The following BNC2 variants were observed in gnomAD, a reference collection of about 807,000 sequenced individuals.
The protein encoded by BNC2 is zinc finger protein basonuclin-2.
A neutral mutation model predicts 76.3 loss-of-function variants in BNC2; 20 were observed. The observed-to-expected ratio is 0.26, with a 90% confidence interval of 0.18 to 0.38. BNC2 has a LOEUF of 0.38. Among genes scored for constraint, BNC2 ranks in the 10% least tolerant of loss-of-function variants. The pLI, the probability that BNC2 is intolerant of heterozygous loss-of-function variation, is 1.00. For missense variants in BNC2, 1,382 were observed against 1,399.8 expected (o/e 0.99, Z 0.20); for synonymous variants, 582 against 514.8 (o/e 1.13, Z -1.77).
intron 3 of BNC2, among the ~76,000 whole-genome samples, chr9:16,716,601 C>T (rs1402692592): frequency 6.6e-6 from 1 of 152,142 alleles, no homozygotes; most frequent in Non-Finnish European, 1.5e-5. Flanking sequence ...GAAGCAACGG[C>T]CTTCTCATTT....
intron 2 of BNC2, among the ~76,000 whole-genome samples, chr9:16,729,658 G>C (rs1419865884): frequency 6.6e-6 from 1 of 152,180 alleles, no homozygotes; most frequent in African/African-American, 2.4e-5. Flanking sequence ...AATATATTAA[G>C]TCCACCTGTG....
chr9:16,655,721 A>G (rs1821911248), intron 3 of BNC2, among the ~76,000 whole-genome samples: 2 of 152,354 alleles, frequency 1.3e-5, no homozygotes, highest in Admixed American at 1.3e-4. Flanking sequence ...CACTTATTAC[A>G]AAGCAAAGCC....
rs376769998 is a variant in BNC2, at chr9:16,475,241, T to C, written c.670-37717A>G. On this transcript the variant is annotated intron_variant, in intron 5 of 6. Transcript: ENST00000380672. ...ATATAATAGATGATCTTACTGTACA[T>C]ATAACATAGCCTTGTGAACACATCT... Among the ~76,000 whole-genome samples, 11 of 152,332 alleles carry C rather than the reference T, an allele frequency of 7.2e-5. No individual in the cohort carries two copies. In the South Asian group the frequency reaches 1.2e-3, roughly 17 times the overall value.
chr9:16,682,195 G>A (rs982144344), intron 3 of BNC2, among the ~76,000 whole-genome samples: 23 of 151,126 alleles, frequency 1.5e-4, no homozygotes, highest in African/African-American at 5.4e-4. Context: ...TAGAGAATTT[G>A]CTGGCTTCAT....
chr9:16,699,694 T>C (rs904987613), intron 3 of BNC2, among the ~76,000 whole-genome samples: 1 of 152,208 alleles, frequency 6.6e-6, no homozygotes, highest in African/African-American at 2.4e-5. Context: ...CAGGCATCAT[T>C]TACTTCTAAG....
At chr9:16,517,896 T>C (rs1430751364) in intron 5 of BNC2, among the ~76,000 whole-genome samples, 2 of 152,156 alleles carry the variant, frequency 1.3e-5, no homozygotes, top group African/African-American at 2.4e-5. Flanking sequence ...TCAGCCATAC[T>C]TCAGATGTGT....
chr9:16,660,978 A>C (rs1414108689), intron 3 of BNC2, among the ~76,000 whole-genome samples: 1 of 152,192 alleles, frequency 6.6e-6, no homozygotes, highest in Non-Finnish European at 1.5e-5. Context: ...CCTGGAACCA[A>C]TTCTCTACAG....
rs955065815 is a variant in BNC2, at chr9:16,738,274, G to T, written c.129+86C>A. The T allele has an allele frequency of 1.4e-4, 196 of 1,418,148 alleles. 1 individual carries two copies. The highest frequency in any genetic ancestry group is 1.9e-4 in the Non-Finnish European group (191 of 1,007,616). The allele number at this position is 1,418,148 out of a possible 1,614,324, so 87.8% of individuals were successfully genotyped here. ...GACAGTAAAAGAGTGGCAGAAAGAAGAGGTGAGAGATATATCTTAACTAGG... is the reference window on the plus strand; with the variant it reads ...GACAGTAAAAGAGTGGCAGAAAGAATAGGTGAGAGATATATCTTAACTAGG... On this transcript the variant is annotated intron_variant, in intron 2 of 6. Coordinates refer to ENST00000380672, the MANE Select transcript of BNC2 (RefSeq NM_017637.6).
chr9:16,751,185 C>A, intron 1 of BNC2, among the ~76,000 whole-genome samples: 1 of 148,570 alleles, frequency 6.7e-6, no homozygotes, highest in African/African-American at 2.5e-5. Flanking sequence ...AAAAAAACTA[C>A]AAAACTGTGA....
intron 6 of BNC2, among the ~76,000 whole-genome samples, chr9:16,420,202 C>T (rs528775448): frequency 1.3e-5 from 2 of 152,126 alleles, no homozygotes; most frequent in Non-Finnish European, 2.9e-5. Context: ...TGAAATCTTC[C>T]GTCTCTACCC....
intron 5 of BNC2, among the ~76,000 whole-genome samples, chr9:16,519,713 T>G (rs7044870): frequency 0.036 from 5,428 of 152,302 alleles, 333 homozygotes; most frequent in African/African-American, 0.12. Flanking sequence ...CAGTTTTTTC[T>G]ACAACCCTGT....
At chr9:16,449,322 C>T (rs779037843) in intron 5 of BNC2, among the ~76,000 whole-genome samples, 9 of 152,194 alleles carry the variant, frequency 5.9e-5, no homozygotes, top group Non-Finnish European at 1.2e-4. Flanking sequence ...TTAATGTGGC[C>T]GCTTTCTGCA....
intron 5 of BNC2, among the ~76,000 whole-genome samples, chr9:16,520,242 T>C (rs1401497223): frequency 6.6e-6 from 1 of 152,186 alleles, no homozygotes; most frequent in Non-Finnish European, 1.5e-5. Flanking sequence ...CTTGGGCTCT[T>C]CCAGCTTGAA....
At chr9:16,512,903 A>AC (rs1554660306) in intron 5 of BNC2, among the ~76,000 whole-genome samples, 24 of 151,984 alleles carry the variant, frequency 1.6e-4, no homozygotes, top group African/African-American at 5.6e-4. Flanking sequence ...TGGGAGGCTG[A>AC]GGGGGGAAGA....
intron 3 of BNC2, among the ~76,000 whole-genome samples, chr9:16,679,629 C>G (rs186782482): frequency 6.6e-6 from 1 of 152,200 alleles, no homozygotes. Flanking sequence ...TCTTCTTTGA[C>G]GGCTGGTGAC....
chr9:16,539,267 C>T (rs918836241), intron 5 of BNC2, among the ~76,000 whole-genome samples: 2 of 152,180 alleles, frequency 1.3e-5, no homozygotes, highest in East Asian at 3.9e-4. Context: ...AACCCCTAAC[C>T]CCAACACTTT....
rs572169191 is a variant in BNC2, at chr9:16,500,601, G to C, written c.669+51929C>G. Among the ~76,000 whole-genome samples, 7 of 152,250 alleles carry C rather than the reference G, an allele frequency of 4.6e-5. No individual in the cohort carries two copies. In the East Asian group the frequency reaches 1.4e-3, roughly 29 times the overall value. ...CCCATACAGTCATAAATGCAAGTCT[G>C]AGTTATGCTAACCAATCTTCTATAT... On this transcript the variant is annotated intron_variant, in intron 5 of 6. Transcript: ENST00000380672.
In BNC2 at chr9:16,435,790, C is replaced by A; in HGVS notation, c.2404G>T (p.Ala802Ser). Reference protein sequence around the residue: ...GLYNGGGASMAALHESFTSSL... With the variant: ...GLYNGGGASMSALHESFTSSL... ...GATGTAAAGCTCTCATGCAAGGCGG[C>A]CATGCTGGCACCCCCACCATTGTAC... The change falls in exon 6 of 7, where the codon GCC becomes TCC. Residue 802 changes from alanine to serine, a missense_variant. By Grantham distance (99) the Ala-to-Ser change is moderately conservative. Coordinates refer to ENST00000380672, the MANE Select transcript of BNC2 (RefSeq NM_017637.6). The A allele has an allele frequency of 2.5e-6, 4 of 1,614,078 alleles. No homozygotes were observed. The highest frequency in any genetic ancestry group is 3.4e-6 in the Non-Finnish European group (4 of 1,180,034).
chr9:16,414,119 T>C lies in BNC2; in HGVS notation c.*4870A>G, dbSNP rs140758697. The C allele has an allele frequency of 2.0e-5, 3 of 152,204 alleles. No individual in the cohort carries two copies. The East Asian group carries it at 5.8e-4, about 29-fold the overall frequency. 9.4% of individuals were successfully genotyped at this position (152,204 alleles called of 1,614,324 possible). A position where few individuals can be genotyped will look rare whatever the true frequency, so the allele number is the denominator to read the frequency against. Reference sequence around the variant, plus strand: ...CGGCTCTTCCTGACCCCAAAGGAACTTCAGCTATTTCATGCAGCTGTACTT... The same window carrying C: ...CGGCTCTTCCTGACCCCAAAGGAACCTCAGCTATTTCATGCAGCTGTACTT... On this transcript the variant is annotated 3_prime_UTR_variant, in exon 7 of 7. Transcript: ENST00000380672.
Sources: gnomAD v4.1 joint callset for allele counts (sites outside exome capture counted in the v4.1 genomes callset) on GRCh38, gnomAD v4.1.1 for gene constraint, MANE v1.5 for transcripts, NCBI Gene and HGNC (gene_info 2026-07-23, HGNC 2026-07-21) for gene names.